Variants in VIPAS39 observed in about 807,000 individuals in gnomAD.
The protein encoded by VIPAS39 is spermatogenesis-defective protein 39 homolog.
VIPAS39 carries 63 observed loss-of-function variants against 84.7 expected under a neutral mutation model. The ratio of observed to expected loss-of-function variants is 0.74; its 90% CI spans 0.61 to 0.92. VIPAS39 has a LOEUF of 0.92. VIPAS39 is among the 40% of genes least tolerant of loss of function. VIPAS39 has a pLI of 0.00. For synonymous variants in VIPAS39, 192 were observed against 216.5 expected (o/e 0.89, Z 0.99); for missense variants, 499 against 604.5 (o/e 0.83, Z 1.83).
Position 77,433,834 on chromosome 14 carries a change from G to GCA in VIPAS39, c.1179+6_1179+7dup. 6.2e-7 allele frequency: 1 copy of GCA among 1,613,578 alleles called. No homozygotes were observed. Among genetic ancestry groups the GCA allele is most frequent in the Non-Finnish European group, 8.5e-7 (1 of 1,179,636 alleles). ...AAGGCCTCAGCAGCACAGGGGCAGG[G>GCA]CACACACCTTTGTGGTGAATAGGGC... On this transcript the variant is annotated splice_region_variant and intron_variant, in intron 16 of 19. Coordinates refer to ENST00000557658, the MANE Select transcript of VIPAS39 (RefSeq NM_001193315.2).
intron 6 of VIPAS39, 106 bp from the exon 7 acceptor site, chr14:77,448,656 T>C (rs2078835797): frequency 8.2e-7 from 1 of 1,218,980 alleles, no homozygotes; most frequent in Admixed American, 1.9e-5. Flanking sequence ...GGGGAAATAA[T>C]TTGTGGGAGG....
chr14:77,441,333 C>A (rs1341698503), intron 10 of VIPAS39, among the ~76,000 whole-genome samples: 1 of 151,796 alleles, frequency 6.6e-6, no homozygotes, highest in African/African-American at 2.4e-5. Flanking sequence ...CAGGGAGGCT[C>A]AGAGCCACCT....
intron 19 of VIPAS39, among the ~76,000 whole-genome samples, chr14:77,428,089 C>G (rs1264839969): frequency 6.6e-6 from 1 of 152,166 alleles, no homozygotes; most frequent in Non-Finnish European, 1.5e-5. Context: ...TTCATACTTT[C>G]AATATTTAGT....
At chr14:77,428,734 T>C (rs1430234205) in intron 18 of VIPAS39, among the ~76,000 whole-genome samples, 1 of 152,162 alleles carries the variant, frequency 6.6e-6, no homozygotes, top group Admixed American at 6.5e-5. Context: ...GAACTCCATG[T>C]TGGAGAGAAG....
At chr14:77,435,487 TC>T in intron 13 of VIPAS39, 94 bp from the exon 14 acceptor site, 1 of 1,530,280 alleles carries the variant, frequency 6.5e-7, no homozygotes, top group Non-Finnish European at 8.9e-7. Context: ...CAGTTGTGTT[TC>T]CCACCCTAGG....
rs544311362 is a variant in VIPAS39 at position 77,435,478 on chromosome 14, A to G, written c.913-85T>C. ...GAGAAAAATCTTTTAATACTACAGC[A>G]GTTGTGTTTCCCACCCTAGGAGAGA... On this transcript the variant is annotated intron_variant, in intron 13 of 19. Coordinates refer to ENST00000557658, the MANE Select transcript of VIPAS39 (RefSeq NM_001193315.2). The G allele has an allele frequency of 5.8e-6, 9 of 1,562,544 alleles. No individual in the cohort carries two copies. The East Asian group carries it at 2.0e-4, about 35-fold the overall frequency.
At position 77,429,238 on chromosome 14, in the gene VIPAS39, T is replaced by C; in HGVS notation, c.1267-143A>G. On this transcript the variant is annotated intron_variant, in intron 17 of 19. Coordinates refer to ENST00000557658, the MANE Select transcript of VIPAS39 (RefSeq NM_001193315.2). ...TTCCATCATCAACCACAGGACTAGT[T>C]CTGCAATGGGAATGAGGTAACGCTA... 10 of 728,570 alleles carry C rather than the reference T, an allele frequency of 1.4e-5. 1 individual carries two copies. The South Asian group carries it at 1.5e-4, about 11-fold the overall frequency. The allele number at this position is 728,570 out of a possible 1,614,324, so 45.1% of individuals were successfully genotyped here. A position where few individuals can be genotyped will look rare whatever the true frequency, so the allele number is the denominator to read the frequency against.
chr14:77,456,034 G>C (rs2078955107), intron 1 of VIPAS39, among the ~76,000 whole-genome samples: 1 of 152,156 alleles, frequency 6.6e-6, no homozygotes, highest in East Asian at 1.9e-4. Context: ...CTAAGCCTTG[G>C]AGAAAATTAT....
chr14:77,444,473 TC>T, intron 7 of VIPAS39, 132 bp from the exon 8 acceptor site: 1 of 752,248 alleles, frequency 1.3e-6, no homozygotes, highest in Non-Finnish European at 2.1e-6. Flanking sequence ...TACCCTATGG[TC>T]CCCAGCACTT....
chr14:77,448,469 C>A, intron 7 of VIPAS39, 25 bp downstream of exon 7: 2 of 1,613,480 alleles, frequency 1.2e-6, no homozygotes, highest in Non-Finnish European at 1.7e-6. Context: ...TCCCAAAGAA[C>A]CTCACAAAAA....
chr14:77,450,111 C>A (rs1033388934), intron 4 of VIPAS39, among the ~76,000 whole-genome samples: 5 of 152,160 alleles, frequency 3.3e-5, no homozygotes, highest in Non-Finnish European at 7.3e-5. Context: ...AACTCTACAC[C>A]CTTTAAACAA....
intron 3 of VIPAS39, among the ~76,000 whole-genome samples, chr14:77,452,166 T>C (rs186546967): frequency 6.6e-6 from 1 of 152,342 alleles, no homozygotes; most frequent in East Asian, 1.9e-4. Flanking sequence ...ACACTCTTTA[T>C]ATACTGACAT....
chr14:77,434,024 T>G, intron 15 of VIPAS39, 93 bp from the exon 16 acceptor site: 1 of 1,410,938 alleles, frequency 7.1e-7, no homozygotes, highest in Non-Finnish European at 9.9e-7. Context: ...ATTAAATATT[T>G]CCTGATATTG....
chr14:77,451,284 G>C lies in VIPAS39; in HGVS notation c.246C>G (p.His82Gln), dbSNP rs569525220. ...GGCTCTTTAGCTGTTCACGCCCCTC[G>C]TGGGTTGAGCCGCTATTACCAGCAG... ...RETAGNSGST[H>Q]EGREQLKSRN... The change falls in exon 4 of 20, where the codon CAC (histidine) becomes CAG (glutamine). Residue 82 changes from histidine (H) to glutamine (Q), a missense_variant. Transcript: ENST00000557658. The C allele has an allele frequency of 3.1e-6, 5 of 1,614,052 alleles. No individual in the cohort carries two copies. The Admixed American group carries it at 8.3e-5, about 27-fold the overall frequency.
chr14:77,452,935 A>G (rs2078905539), intron 3 of VIPAS39, among the ~76,000 whole-genome samples: 1 of 152,160 alleles, frequency 6.6e-6, no homozygotes, highest in African/African-American at 2.4e-5. Flanking sequence ...ATATGGCTAT[A>G]TATCAGAATC....
intron 12 of VIPAS39, 70 bp from the exon 13 acceptor site, chr14:77,435,989 C>T (rs575922773): frequency 1.7e-4 from 251 of 1,515,084 alleles, no homozygotes; most frequent in Admixed American, 3.5e-4. Context: ...TAAACCAAAT[C>T]GCCAGCATAA....
At chr14:77,443,012 T>C (rs2078726931) in intron 9 of VIPAS39, 107 bp downstream of exon 9, 1 of 1,493,882 alleles carries the variant, frequency 6.7e-7, no homozygotes, top group Admixed American at 1.7e-5. Flanking sequence ...CACTTGTCTC[T>C]GAAATAGACT....
At chr14:77,438,786 T>G (rs2078655302) in intron 11 of VIPAS39, among the ~76,000 whole-genome samples, 2 of 152,166 alleles carry the variant, frequency 1.3e-5, no homozygotes, top group Admixed American at 6.5e-5. Flanking sequence ...ATCTAACAAT[T>G]AACATCAGTA....
chr14:77,441,517 TTC>T (rs1177789884), intron 10 of VIPAS39, among the ~76,000 whole-genome samples: 1 of 152,224 alleles, frequency 6.6e-6, no homozygotes, highest in Non-Finnish European at 1.5e-5. Context: ...GACTTTTGTC[TTC>T]TGATTCTTCT....
Sources: gnomAD v4.1 joint callset for allele counts (sites outside exome capture counted in the v4.1 genomes callset) on GRCh38, gnomAD v4.1.1 for gene constraint, MANE v1.5 for transcripts, NCBI Gene and HGNC (gene_info 2026-07-23, HGNC 2026-07-21) for gene names.